ADCK1: variants seen among roughly 807,000 people sequenced by gnomAD.
ADCK1 encodes aarF domain containing kinase 1, also known as aarF domain-containing protein kinase 1.
Under a neutral mutation model 52.3 loss-of-function variants are expected in ADCK1, and 41 were observed. The ratio of observed to expected loss-of-function variants is 0.78; its 90% CI spans 0.61 to 1.02. The LOEUF is 1.02. ADCK1 is among the 50% of genes least tolerant of loss of function. The probability of loss-of-function intolerance (pLI) is 0.00; values close to 1 mark genes in which losing one functional copy is unlikely to be tolerated. For missense variants in ADCK1, 658 were observed against 679.5 expected, an observed-to-expected ratio of 0.97 and a Z score of 0.35; for synonymous variants, 250 against 274.6, an observed-to-expected ratio of 0.91 and a Z score of 0.89.
At chr14:77,929,201 T>C (rs1193890277) in intron 9 of ADCK1, among the ~76,000 whole-genome samples, 1 of 152,182 alleles carries the variant, frequency 6.6e-6, no homozygotes, top group Non-Finnish European at 1.5e-5. Flanking sequence ...TCCAACATTG[T>C]ATGAAGGAGA....
chr14:77,804,989 C>T (rs1303735330), intron 1 of ADCK1, among the ~76,000 whole-genome samples: 1 of 151,910 alleles, frequency 6.6e-6, no homozygotes, highest in Non-Finnish European at 1.5e-5. Flanking sequence ...GGCGGATCAC[C>T]TGAGGTTGGG....
chr14:77,886,298 A>G (rs2083144989), intron 4 of ADCK1, among the ~76,000 whole-genome samples: 1 of 152,058 alleles, frequency 6.6e-6, no homozygotes, highest in Non-Finnish European at 1.5e-5. Context: ...CCTCTGTCTG[A>G]TCCCTGAGAT....
At chr14:77,888,113 G>A (rs938466958) in intron 5 of ADCK1, among the ~76,000 whole-genome samples, 4 of 152,142 alleles carry the variant, frequency 2.6e-5, no homozygotes, top group Non-Finnish European at 5.9e-5. Context: ...GTCACAGCGT[G>A]TTTGCACAGT....
intron 3 of ADCK1, among the ~76,000 whole-genome samples, chr14:77,842,457 T>C (rs2082091707): frequency 5.4e-5 from 2 of 37,036 alleles, no homozygotes; most frequent in South Asian, 1.0e-3. Context: ...TTTTCCTTCC[T>C]TCCTTCCTTC....
At chr14:77,910,464 G>T (rs1055411677) in intron 7 of ADCK1, among the ~76,000 whole-genome samples, 1 of 152,024 alleles carries the variant, frequency 6.6e-6, no homozygotes, top group African/African-American at 2.4e-5. Context: ...GGATTCGATG[G>T]GATGGGAGGC....
chr14:77,828,537 A>G (rs2081769524), intron 3 of ADCK1, among the ~76,000 whole-genome samples: 1 of 151,950 alleles, frequency 6.6e-6, no homozygotes, highest in African/African-American at 2.4e-5. Flanking sequence ...TTATTTAATT[A>G]TTGTTATTAT....
intron 4 of ADCK1, among the ~76,000 whole-genome samples, chr14:77,860,680 G>T (rs2082525508): frequency 6.6e-6 from 1 of 152,172 alleles, no homozygotes. Flanking sequence ...GGAGGAGCAG[G>T]GTCAGGAGAG....
chr14:77,896,127 TTAA>T (rs2083403937), intron 5 of ADCK1, among the ~76,000 whole-genome samples: 1 of 151,916 alleles, frequency 6.6e-6, no homozygotes, highest in Non-Finnish European at 1.5e-5. Flanking sequence ...TTACCAAGTG[TTAA>T]TAATAATGAA....
At chr14:77,852,905 A>AT (rs1566668044) in intron 3 of ADCK1, among the ~76,000 whole-genome samples, 3 of 28,448 alleles carry the variant, frequency 1.1e-4, no homozygotes, top group East Asian at 4.6e-4. Flanking sequence ...ATATATATAT[A>AT]TATTTTTTTT....
rs149321165 is a variant in ADCK1, at chr14:77,903,026, C to G, written c.741+3768C>G. Reference sequence around the variant, plus strand: ...ACTATGAGCCAGACAGAACCATCTCCTCTACTGTTCCCATGGAAACAGCAA... The same window carrying G: ...ACTATGAGCCAGACAGAACCATCTCGTCTACTGTTCCCATGGAAACAGCAA... On this transcript the variant is annotated intron_variant, in intron 6 of 10. Transcript: ENST00000238561. 1.8e-4 allele frequency among the ~76,000 whole-genome samples: 28 copies of G among 152,372 alleles called. 1 individual carries two copies. In the East Asian group the frequency reaches 5.4e-3, roughly 29 times the overall value.
At chr14:77,876,382 C>G (rs58940899) in intron 4 of ADCK1, among the ~76,000 whole-genome samples, 9,391 of 152,262 alleles carry the variant, frequency 0.062, 347 homozygotes, top group Middle Eastern at 0.12. Flanking sequence ...TCCTACCTCC[C>G]TCTTGTAAGG....
At chr14:77,824,468 C>G (rs896477343) in intron 3 of ADCK1, among the ~76,000 whole-genome samples, 2 of 139,326 alleles carry the variant, frequency 1.4e-5, no homozygotes, top group African/African-American at 5.4e-5. Context: ...GAGTCTTGCT[C>G]TGTTGCCCAG....
In ADCK1 at chr14:77,907,826, G is replaced by A; in HGVS notation, c.765G>A (p.Leu255=). 3 of 1,614,054 alleles carry A rather than the reference G, an allele frequency of 1.9e-6. No homozygotes were observed. Among genetic ancestry groups the A allele is most frequent in the South Asian group, 1.1e-5 (1 of 91,068 alleles). Residue 255 remains leucine, a synonymous_variant, in exon 7 of 11, where the codon CTG becomes CTA. Coordinates refer to ENST00000238561, the MANE Select transcript of ADCK1 (RefSeq NM_020421.4). ...AGGTCCCCCGAATCCACTGGGACCT[G>A]TCCACGGAGCGGGTCCTCCTGATGG... ...FLKVPRIHWD[L]STERVLLMEF...
chr14:77,818,613 A>G (rs1278581136), intron 1 of ADCK1, among the ~76,000 whole-genome samples: 1 of 152,102 alleles, frequency 6.6e-6, no homozygotes. Flanking sequence ...CATTTATACC[A>G]GCTCTGATAT....
At position 77,853,155 on chromosome 14, in the gene ADCK1, T is replaced by C. The variant is rs186863737; in HGVS notation, c.220-5921T>C. Among the ~76,000 whole-genome samples the C allele has an allele frequency of 4.9e-4, 74 of 151,698 alleles. No individual in the cohort carries two copies. In the Middle Eastern group the frequency reaches 0.017, roughly 35 times the overall value. ...TTCATCTCTAAAAGTTTGATAGGGT[T>C]CTCTTTCTGTCTCTTTTATGTCATC... On this transcript the variant is annotated intron_variant, in intron 3 of 10. Transcript: ENST00000238561.
intron 4 of ADCK1, among the ~76,000 whole-genome samples, chr14:77,886,888 C>T (rs1262209998): frequency 4.0e-5 from 6 of 150,932 alleles, no homozygotes; most frequent in Non-Finnish European, 5.9e-5. Context: ...GCCTGGTCGA[C>T]AGCGCGGGAC....
intron 6 of ADCK1, among the ~76,000 whole-genome samples, chr14:77,901,696 G>A (rs768734700): frequency 6.6e-6 from 1 of 152,174 alleles, no homozygotes; most frequent in African/African-American, 2.4e-5. Flanking sequence ...GGCCGGAGCT[G>A]GTCTTTAAGG....
intron 3 of ADCK1, among the ~76,000 whole-genome samples, chr14:77,837,099 T>G (rs2081976527): frequency 6.6e-6 from 1 of 151,844 alleles, no homozygotes; most frequent in Admixed American, 6.6e-5. Context: ...AGGACAACTG[T>G]CATTGGATTT....
chr14:77,866,552 C>T (rs535163927), intron 4 of ADCK1, among the ~76,000 whole-genome samples: 50 of 152,106 alleles, frequency 3.3e-4, no homozygotes, highest in Non-Finnish European at 6.2e-4. Context: ...TTCCCAAGGC[C>T]CTTTGGCAGC....
Sources: allele counts gnomAD v4.1 joint callset (sites outside exome capture counted in the v4.1 genomes callset), GRCh38; gene constraint gnomAD v4.1.1; transcripts MANE v1.5; gene names NCBI Gene and HGNC (gene_info 2026-07-23, HGNC 2026-07-21).